ACVR1: variants seen among roughly 807,000 people sequenced by gnomAD.
The protein encoded by ACVR1 is activin receptor type-1.
In ACVR1, 38 loss-of-function variants were observed where a neutral mutation model predicts 57.1. The observed-to-expected ratio is 0.67, with a 90% CI of 0.51 to 0.87. The LOEUF is 0.87. ACVR1 is among the 40% of genes least tolerant of loss of function. ACVR1 has a pLI of 0.00. For synonymous variants in ACVR1, 212 were observed against 228.1 expected, an observed-to-expected ratio of 0.93 and a Z score of 0.63; for missense variants, 463 against 638.2, an observed-to-expected ratio of 0.73 and a Z score of 2.96.
At chr2:157,811,539 T>C (rs1687752939) in intron 2 of ACVR1, among the ~76,000 whole-genome samples, 1 of 152,220 alleles carries the variant, frequency 6.6e-6, no homozygotes, top group African/African-American at 2.4e-5. Context: ...TAAGCAACAT[T>C]CTACCCCCAG....
intron 1 of ACVR1, among the ~76,000 whole-genome samples, chr2:157,863,658 C>T (rs935829668): frequency 1.3e-5 from 2 of 151,406 alleles, no homozygotes; most frequent in African/African-American, 4.8e-5. Flanking sequence ...GATCACGCCA[C>T]TGCACTTCCA....
intron 1 of ACVR1, among the ~76,000 whole-genome samples, chr2:157,872,205 T>C (rs1267431089): frequency 1.3e-5 from 2 of 152,342 alleles, no homozygotes; most frequent in African/African-American, 4.8e-5. Context: ...CGGTGCTTGC[T>C]TGGGAAAATA....
intron 1 of ACVR1, among the ~76,000 whole-genome samples, chr2:157,839,365 T>C (rs1396713242): frequency 6.6e-6 from 1 of 152,236 alleles, no homozygotes; most frequent in African/African-American, 2.4e-5. Flanking sequence ...ATTTCTATAA[T>C]GCATAGGCCT....
intron 9 of ACVR1, among the ~76,000 whole-genome samples, chr2:157,739,445 C>T (rs1436583745): frequency 6.6e-6 from 1 of 152,176 alleles, no homozygotes; most frequent in African/African-American, 2.4e-5. Context: ...TTAACTTCAT[C>T]ATTTGGAATT....
intron 9 of ACVR1, among the ~76,000 whole-genome samples, chr2:157,753,557 C>G (rs925924629): frequency 6.6e-6 from 1 of 152,056 alleles, no homozygotes; most frequent in Non-Finnish European, 1.5e-5. Flanking sequence ...CAGCAGGAAA[C>G]TATCACAATC....
intron 9 of ACVR1, among the ~76,000 whole-genome samples, chr2:157,740,287 C>CAT (rs757509178): frequency 6.6e-5 from 10 of 152,006 alleles, no homozygotes; most frequent in Non-Finnish European, 1.0e-4. Flanking sequence ...CCTGGCAAAT[C>CAT]ATAAACATCA....
chr2:157,826,230 A>C (rs920682469), intron 1 of ACVR1, among the ~76,000 whole-genome samples: 2 of 152,212 alleles, frequency 1.3e-5, no homozygotes, highest in Non-Finnish European at 2.9e-5. Flanking sequence ...CACTAGACAG[A>C]TATTTAGCAA....
intron 6 of ACVR1, among the ~76,000 whole-genome samples, chr2:157,771,855 T>C (rs1319584004): frequency 6.6e-6 from 1 of 152,202 alleles, no homozygotes; most frequent in East Asian, 1.9e-4. Context: ...TAGTACACGA[T>C]TCCTTTTAAT....
rs145950299 is a variant in ACVR1 at position 157,852,422 on chromosome 2, G to C, written c.-183+23374C>G. On this transcript the variant is annotated intron_variant, in intron 1 of 10. Coordinates refer to ENST00000434821, the MANE Select transcript of ACVR1 (RefSeq NM_001111067.4). ...TGATGTGGGAGAACTGCTTGAACTA[G>C]GGAGGTGGAGACTGCAGTGAACAGA... Among the ~76,000 whole-genome samples, 1,221 of 151,530 alleles carry C rather than the reference G, an allele frequency of 8.1e-3. 20 individuals carry two copies. The highest frequency in any genetic ancestry group is 0.028 in the African/African-American group (1,151 of 41,300).
intron 7 of ACVR1, among the ~76,000 whole-genome samples, chr2:157,769,185 T>G (rs1240535892): frequency 6.6e-6 from 1 of 152,192 alleles, no homozygotes; most frequent in African/African-American, 2.4e-5. Context: ...ATGGTCAGTA[T>G]TAGTAGTAAC....
At chr2:157,871,465 T>TC (rs943354270) in intron 1 of ACVR1, among the ~76,000 whole-genome samples, 1 of 152,134 alleles carries the variant, frequency 6.6e-6, no homozygotes, top group Non-Finnish European at 1.5e-5. Context: ...CCCATCCCCC[T>TC]CTTCAAAACA....
chr2:157,761,724 T>C (rs1685664360), intron 8 of ACVR1, among the ~76,000 whole-genome samples: 1 of 152,198 alleles, frequency 6.6e-6, no homozygotes, highest in Non-Finnish European at 1.5e-5. Context: ...CCATGACTCA[T>C]TCCAGAATTC....
At chr2:157,807,820 A>C (rs1574089942) in intron 2 of ACVR1, among the ~76,000 whole-genome samples, 1 of 114,864 alleles carries the variant, frequency 8.7e-6, no homozygotes, top group African/African-American at 3.4e-5. Context: ...AGCTGTCCCA[A>C]TTCTCAGGCT....
chr2:157,839,518 G>C (rs111799885), intron 1 of ACVR1, among the ~76,000 whole-genome samples: 1 of 152,198 alleles, frequency 6.6e-6, no homozygotes, highest in Non-Finnish European at 1.5e-5. Flanking sequence ...GAATGGCCCA[G>C]GGAGAAATGG....
chr2:157,777,907 A>G (rs1686352266), intron 5 of ACVR1, among the ~76,000 whole-genome samples: 1 of 152,208 alleles, frequency 6.6e-6, no homozygotes, highest in African/African-American at 2.4e-5. Context: ...CAACACTACT[A>G]AAATAAATCC....
intron 1 of ACVR1, among the ~76,000 whole-genome samples, chr2:157,845,914 T>C (rs1338670728): frequency 6.6e-6 from 1 of 152,186 alleles, no homozygotes; most frequent in African/African-American, 2.4e-5. Flanking sequence ...AAAATTAATC[T>C]AGCATTAAAA....
At chr2:157,824,420 T>C (rs908701594) in intron 1 of ACVR1, among the ~76,000 whole-genome samples, 12 of 152,138 alleles carry the variant, frequency 7.9e-5, no homozygotes, top group African/African-American at 2.9e-4. Context: ...GTGAGCCATG[T>C]TCATGCCACT....
Position 157,761,030 on chromosome 2 carries a change from T to A in ACVR1, c.1114A>T (p.Asn372Tyr). 6.2e-7 allele frequency: 1 copy of A among 1,614,066 alleles called. No homozygotes were observed. The highest frequency in any genetic ancestry group is 8.5e-7 in the Non-Finnish European group (1 of 1,179,990). Residue 372 changes from asparagine to tyrosine, a missense_variant, in exon 9 of 11, where the codon AAC becomes TAC. By Grantham distance (143) the Asn-to-Tyr change is moderately radical. Transcript: ENST00000434821. ...SQSTNQLDVG[N>Y]NPRVGTKRYM... ...CGCTTGGTGCCCACACGGGGATTGT[T>A]CCCCACATCAAGCTGATTGGTGCTC...
chr2:157,757,337 A>G (rs960777208), intron 9 of ACVR1, among the ~76,000 whole-genome samples: 15 of 151,830 alleles, frequency 9.9e-5, no homozygotes, highest in Admixed American at 1.3e-4. Context: ...TATCCCCCAA[A>G]AAAAGCTGAA....
Sources: gnomAD v4.1 joint callset for allele counts (sites outside exome capture counted in the v4.1 genomes callset) on GRCh38, gnomAD v4.1.1 for gene constraint, MANE v1.5 for transcripts, NCBI Gene and HGNC (gene_info 2026-07-23, HGNC 2026-07-21) for gene names.